HDGFL2: variants seen among roughly 807,000 people sequenced by gnomAD.
HDGFL2 encodes hepatoma-derived growth factor-related protein 2.
In HDGFL2, 36 loss-of-function variants were observed where a neutral mutation model predicts 77.1. That is an observed-to-expected ratio of 0.47 (90% CI 0.36 to 0.62). The LOEUF is 0.62. Among genes scored for constraint, HDGFL2 ranks in the 20% least tolerant of loss-of-function variants. The probability of loss-of-function intolerance (pLI) is 0.00; values close to 1 mark genes in which losing one functional copy is unlikely to be tolerated. For missense variants in HDGFL2, 976 were observed against 973.4 expected (o/e 1.00, Z -0.04); for synonymous variants, 463 against 413.1 (o/e 1.12, Z -1.46).
chr19:4,496,664 C>T (rs1414299959), intron 10 of HDGFL2, among the ~76,000 whole-genome samples: 1 of 152,124 alleles, frequency 6.6e-6, no homozygotes, highest in East Asian at 1.9e-4. Context: ...CTGTGGTTGT[C>T]ATGACTGGGG....
At chr19:4,498,530 C>T (rs1008193473) in intron 12 of HDGFL2, among the ~76,000 whole-genome samples, 154 bp downstream of exon 12, 1 of 152,214 alleles carries the variant, frequency 6.6e-6, no homozygotes, top group African/African-American at 2.4e-5. Context: ...ATGGGGTCTC[C>T]TGGCCAAGGG....
At chr19:4,483,034 A>G (rs771516917) in intron 3 of HDGFL2, among the ~76,000 whole-genome samples, 1 of 152,212 alleles carries the variant, frequency 6.6e-6, no homozygotes, top group Admixed American at 6.5e-5. Context: ...AACCCCAGGT[A>G]CGCGAGCCCT....
rs1975012681 is a variant in HDGFL2, at chr19:4,474,185, T to TG, written c.73-1085dup. Among the ~76,000 whole-genome samples the TG allele has an allele frequency of 2.6e-5, 4 of 151,300 alleles. No homozygotes were observed. In the South Asian group the frequency reaches 6.3e-4, roughly 24 times the overall value. Reference sequence around the variant, plus strand: ...CGGGCAGGACTGAGGAATTTGGCACTGGGGGTGGAAGGCTGGGGCAGCAGG... The same window carrying TG: ...CGGGCAGGACTGAGGAATTTGGCACTGGGGGGTGGAAGGCTGGGGCAGCAGG... On this transcript the variant is annotated intron_variant, in intron 1 of 15. Transcript: ENST00000616600.
intron 3 of HDGFL2, among the ~76,000 whole-genome samples, chr19:4,478,814 AG>A (rs767764951): frequency 7.2e-4 from 109 of 151,312 alleles, no homozygotes; most frequent in Non-Finnish European, 1.3e-3. Context: ...CCTCCCAAGT[AG>A]CTGGGACTAC....
At position 4,498,855 on chromosome 19, in the gene HDGFL2, C is replaced by G; in HGVS notation, c.1515C>G (p.Thr505=). 1.9e-6 allele frequency: 3 copies of G among 1,611,978 alleles called. No individual in the cohort carries two copies. The highest frequency in any genetic ancestry group is 2.5e-6 in the Non-Finnish European group (3 of 1,179,056). ...RCLNALEELG[T]LQVTSQILQK... ...TGAATGCCCTAGAGGAGCTGGGAAC[C>G]CTGCAGGTGACCTCTCAGATCCTCC... The change falls in exon 13 of 16, where the codon ACC becomes ACG. Residue 505 remains threonine (T), a synonymous_variant. Transcript: ENST00000616600.
At chr19:4,488,588 G>T in intron 3 of HDGFL2, 88 bp from the exon 4 acceptor site, 1 of 1,193,458 alleles carries the variant, frequency 8.4e-7, no homozygotes, top group Admixed American at 2.2e-5. Context: ...GATCCCGCAT[G>T]TGGTTGCCGT....
intron 1 of HDGFL2, 25 bp downstream of exon 1, chr19:4,472,447 C>CGGGGGGGGGGG (rs1974962147): frequency 8.5e-6 from 1 of 117,244 alleles, no homozygotes; most frequent in Admixed American, 2.8e-4. Context: ...GAGATGGGGC[C>CGGGGGGGGGGG]GGTGGGGGGG....
Position 4,498,383 on chromosome 19 carries a change from C to T in HDGFL2, c.1473+7C>T, listed in dbSNP as rs373253579. The T allele has an allele frequency of 6.8e-6, 11 of 1,610,086 alleles. No homozygotes were observed. In the South Asian group the frequency reaches 7.7e-5, roughly 11 times the overall value. ...CCTAAAGGTCGACAGCCCGGTAAGA[C>T]CCTCAGGGCCTGTGAGCCAAGCAGT... is the stretch of plus-strand genomic sequence containing the variant. On this transcript the variant is annotated splice_region_variant and intron_variant, in intron 12 of 15. Transcript: ENST00000616600.
intron 6 of HDGFL2, 111 bp from the exon 7 acceptor site, chr19:4,493,592 G>T: frequency 7.9e-7 from 1 of 1,264,548 alleles, no homozygotes; most frequent in South Asian, 3.0e-5. Context: ...CCTGAGCCGA[G>T]GCCCGCAGAG....
chr19:4,473,758 A>G (rs1975003247), intron 1 of HDGFL2, among the ~76,000 whole-genome samples: 1 of 151,582 alleles, frequency 6.6e-6, no homozygotes, highest in Non-Finnish European at 1.5e-5. Context: ...TGGACCTTAG[A>G]ATGAAGTTGG....
Position 4,502,101 on chromosome 19 carries a change from G to A in HDGFL2, c.*91G>A. ...GGAGAGCAGAGCAGAGAACTGTGGG[G>A]AACGCTGTGCTGTTTGTATTTGTTC... is the stretch of plus-strand genomic sequence containing the variant. On this transcript the variant is annotated 3_prime_UTR_variant, in exon 16 of 16. Coordinates refer to ENST00000616600, the MANE Select transcript of HDGFL2 (RefSeq NM_001001520.3). The A allele has an allele frequency of 1.1e-6, 1 of 905,826 alleles. No homozygotes were observed. Among genetic ancestry groups the A allele is most frequent in the South Asian group, 1.4e-5 (1 of 71,128 alleles). The allele number at this position is 905,826 out of a possible 1,614,324, so 56.1% of individuals were successfully genotyped here. A position where few individuals can be genotyped will look rare whatever the true frequency, so the allele number is the denominator to read the frequency against.
At chr19:4,475,040 C>T (rs1975035995) in intron 1 of HDGFL2, 1 of 538,748 alleles carries the variant, frequency 1.9e-6, no homozygotes, top group African/African-American at 1.9e-5. Context: ...GGTGGAGCAC[C>T]TGCCCTGGGG....
At chr19:4,501,814 C>T (rs947467538) in intron 15 of HDGFL2, 97 bp from the exon 16 acceptor site, 24 of 870,622 alleles carry the variant, frequency 2.8e-5, no homozygotes, top group South Asian at 1.5e-4. Context: ...GGTGCCACAA[C>T]GGGGGTACAC....
intron 6 of HDGFL2, among the ~76,000 whole-genome samples, chr19:4,493,003 TGTG>T (rs1310162188): frequency 7.8e-6 from 1 of 128,988 alleles, no homozygotes; most frequent in African/African-American, 3.1e-5. Context: ...TGTGTGTGGT[TGTG>T]TGTGGTGCGT....
intron 4 of HDGFL2, among the ~76,000 whole-genome samples, chr19:4,491,184 T>C (rs896361977): frequency 1.3e-5 from 2 of 148,686 alleles, no homozygotes; most frequent in Non-Finnish European, 3.0e-5. Flanking sequence ...ATCACCACCA[T>C]CATCTCCAGA....
At position 4,493,733 on chromosome 19, in the gene HDGFL2, A is replaced by G; in HGVS notation, c.709A>G (p.Lys237Glu). 6.6e-7 allele frequency: 1 copy of G among 1,507,050 alleles called. No homozygotes were observed. The allele number at this position is 1,507,050 out of a possible 1,614,324, so 93.4% of individuals were successfully genotyped here. A position where few individuals can be genotyped will look rare whatever the true frequency, so the allele number is the denominator to read the frequency against. The change falls in exon 7 of 16, where the codon AAG (lysine) becomes GAG (glutamate). Residue 237 changes from lysine (K) to glutamate (E), a missense_variant. Physicochemically the swap from Lys to Glu is moderately conservative, Grantham distance 56. Coordinates refer to ENST00000616600, the MANE Select transcript of HDGFL2 (RefSeq NM_001001520.3). ...KAPSASDSDS[K>E]ADSDGAKPEP... ...GCCATCAGCCTCCGACTCCGACTCC[A>G]AGGCCGATTCGGACGGGGCCAAGCC...
At chr19:4,497,814 C>G in intron 10 of HDGFL2, 144 bp from the exon 11 acceptor site, 1 of 701,390 alleles carries the variant, frequency 1.4e-6, no homozygotes, top group Non-Finnish European at 2.4e-6. Context: ...GCAGGGCCTC[C>G]CCGCCTCCCG....
At chr19:4,489,411 T>A (rs964179978) in intron 4 of HDGFL2, among the ~76,000 whole-genome samples, 3 of 148,670 alleles carry the variant, frequency 2.0e-5, no homozygotes, top group Non-Finnish European at 4.5e-5. Flanking sequence ...ACCACCATAT[T>A]TTTTTTTTTT....
Position 4,472,309 on chromosome 19 carries a change from C to A in HDGFL2, c.-42C>A. Reference sequence around the variant, plus strand: ...CCGCCGCCGCCGCAGCCGCTACCGCCGCTGCAGCCGCTTTCCGCGGCCTGG... The same window carrying A: ...CCGCCGCCGCCGCAGCCGCTACCGCAGCTGCAGCCGCTTTCCGCGGCCTGG... On this transcript the variant is annotated 5_prime_UTR_variant, in exon 1 of 16. Transcript: ENST00000616600. 7.0e-7 allele frequency: 1 copy of A among 1,419,802 alleles called. No individual in the cohort carries two copies. The highest frequency in any genetic ancestry group is 9.3e-7 in the Non-Finnish European group (1 of 1,076,192). 88.0% of individuals were successfully genotyped at this position (1,419,802 alleles called of 1,614,324 possible).
Sources: gnomAD v4.1 joint callset for allele counts (sites outside exome capture counted in the v4.1 genomes callset) on GRCh38, gnomAD v4.1.1 for gene constraint, MANE v1.5 for transcripts, NCBI Gene and HGNC (gene_info 2026-07-23, HGNC 2026-07-21) for gene names.